WHRN: variants seen among roughly 807,000 people sequenced by gnomAD.
The protein encoded by WHRN is CASK-interacting protein CIP98.
A neutral mutation model predicts 68.3 loss-of-function variants in WHRN; 41 were observed. That is an observed-to-expected ratio of 0.60 (90% CI 0.47 to 0.78). WHRN has a LOEUF of 0.78. Ranked by LOEUF, WHRN falls within the 30% of genes least tolerant of loss-of-function variation. The pLI is 0.00. For missense variants in WHRN, 1,243 were observed against 1,244.7 expected (o/e 1.00, Z 0.02); for synonymous variants, 560 against 561.3 (o/e 1.00, Z 0.03).
At chr9:114,447,048 C>G (rs1589153727) in intron 3 of WHRN, among the ~76,000 whole-genome samples, 2 of 152,160 alleles carry the variant, frequency 1.3e-5, no homozygotes, top group East Asian at 3.9e-4. Context: ...GCATAATCTT[C>G]CACATTCAAT....
chr9:114,503,166 G>C (rs1286112420), intron 1 of WHRN: 2 of 985,446 alleles, frequency 2.0e-6, no homozygotes, highest in African/African-American at 3.5e-5. Context: ...CTGCTGCCTA[G>C]GAGTTTCCCA....
chr9:114,450,901 T>C (rs1839271007), intron 3 of WHRN, among the ~76,000 whole-genome samples: 1 of 152,008 alleles, frequency 6.6e-6, no homozygotes, highest in African/African-American at 2.4e-5. Flanking sequence ...ATTTTAAAAG[T>C]TGAGCTAGGC....
In WHRN at chr9:114,504,730, C is replaced by G; in HGVS notation, c.72G>C (p.Ala24=). Residue 24 remains alanine, a synonymous_variant, in exon 1 of 12, where the codon GCG becomes GCC. Transcript: ENST00000362057. ...STGSLGSAAG[A]GGGGGAGLRL... ...GCAGCCCCGCGCCCCCGCCGCCGCC[C>G]GCCCCGGCCGCCGAGCCCAGCGAGC... 1.3e-6 allele frequency: 2 copies of G among 1,507,246 alleles called. No homozygotes were observed. The highest frequency in any genetic ancestry group is 1.8e-6 in the Non-Finnish European group (2 of 1,137,600). The allele number at this position is 1,507,246 out of a possible 1,614,324, so 93.4% of individuals were successfully genotyped here. A position where few individuals can be genotyped will look rare whatever the true frequency, so the allele number is the denominator to read the frequency against.
At chr9:114,440,068 ATG>A in intron 3 of WHRN, among the ~76,000 whole-genome samples, 1 of 152,138 alleles carries the variant, frequency 6.6e-6, no homozygotes, top group African/African-American at 2.4e-5. Flanking sequence ...ATGCGCCAAC[ATG>A]CCTAGCTAAT....
intron 1 of WHRN, among the ~76,000 whole-genome samples, chr9:114,494,838 GTTA>G (rs1051787648): frequency 2.0e-5 from 3 of 151,146 alleles, no homozygotes; most frequent in East Asian, 2.0e-4. Flanking sequence ...TCTATCAAAG[GTTA>G]TTATCATACA....
intron 2 of WHRN, among the ~76,000 whole-genome samples, chr9:114,474,629 C>A (rs1841502015): frequency 6.6e-6 from 1 of 152,184 alleles, no homozygotes; most frequent in Non-Finnish European, 1.5e-5. Context: ...AATGCTGCCT[C>A]CTCCAGGAAG....
chr9:114,492,015 GAAAAA>G (rs60968756), intron 1 of WHRN, among the ~76,000 whole-genome samples: 2 of 144,524 alleles, frequency 1.4e-5, no homozygotes, highest in South Asian at 4.3e-4. Context: ...TTTGTAATTT[GAAAAA>G]AAAAAAAAAG....
intron 7 of WHRN, among the ~76,000 whole-genome samples, chr9:114,409,039 C>T (rs940131634): frequency 4.6e-5 from 7 of 152,234 alleles, no homozygotes; most frequent in Non-Finnish European, 7.3e-5. Context: ...CCTGGGCCTC[C>T]GACTTGCAGA....
chr9:114,467,043 C>T (rs1840768647), intron 2 of WHRN, among the ~76,000 whole-genome samples: 1 of 150,912 alleles, frequency 6.6e-6, no homozygotes. Context: ...TCCTGTCACC[C>T]CAGGGATCTC....
chr9:114,491,564 G>T, intron 1 of WHRN: 2 of 185,864 alleles, frequency 1.1e-5, no homozygotes, highest in South Asian at 2.6e-4. Context: ...CCATCACCAT[G>T]ACCTGTGGTA....
chr9:114,412,104 G>C (rs773287355), intron 7 of WHRN, among the ~76,000 whole-genome samples: 2 of 152,200 alleles, frequency 1.3e-5, no homozygotes, highest in African/African-American at 2.4e-5. Flanking sequence ...GCCTGAAGTG[G>C]AGCAAATGGC....
rs142855585 is a variant in WHRN at position 114,423,320 on chromosome 9, C to A, written c.1620G>T (p.Ser540=). The A allele has an allele frequency of 2.4e-5, 39 of 1,613,880 alleles. No homozygotes were observed. The African/African-American group carries it at 5.2e-4, about 22-fold the overall frequency. Residue 540 remains serine (S), a synonymous_variant, in exon 7 of 12, where the codon TCG becomes TCT. Coordinates refer to ENST00000362057, the MANE Select transcript of WHRN (RefSeq NM_015404.4). ...CAAGGCAGAAGAAGCTCACCCTGGC[C>A]GAGCTGACGGTGGTGGAGGTGCCGT... ...GSHGTSTTVS[S]ARNTLDLEET...
chr9:114,406,436 G>A lies in WHRN; in HGVS notation c.2155C>T (p.Gln719Ter). Residue 719 changes from glutamine to a stop codon, truncating the protein, a stop_gained, in exon 9 of 12, where the codon CAG (glutamine) becomes TAG (stop). Transcript: ENST00000362057. LOFTEE classifies it high-confidence loss of function. ...TGGACCTCCACCATGACAAAGTGCT[G>A]GTTTGTGCCTGTCTGGTCTGGGTGG... is the stretch of plus-strand genomic sequence containing the variant. ...SGHPDQTGTN[Q>*]HFVMVEVHRP... The A allele has an allele frequency of 6.2e-7, 1 of 1,614,172 alleles. No individual in the cohort carries two copies. Among genetic ancestry groups the A allele is most frequent in the Non-Finnish European group, 8.5e-7 (1 of 1,180,040 alleles).
chr9:114,447,662 G>A (rs972832531), intron 3 of WHRN, among the ~76,000 whole-genome samples: 1 of 152,156 alleles, frequency 6.6e-6, no homozygotes, highest in Non-Finnish European at 1.5e-5. Flanking sequence ...AACTCATGCA[G>A]TATTAAGAGA....
intron 1 of WHRN, among the ~76,000 whole-genome samples, chr9:114,495,907 C>T (rs1843417160): frequency 6.6e-6 from 1 of 152,176 alleles, no homozygotes; most frequent in African/African-American, 2.4e-5. Context: ...AAGGAAAATC[C>T]CTCCCCTGAC....
intron 1 of WHRN, among the ~76,000 whole-genome samples, chr9:114,481,079 C>T (rs1842060933): frequency 6.6e-6 from 1 of 152,206 alleles, no homozygotes; most frequent in South Asian, 2.1e-4. Flanking sequence ...GTCCCCCAAG[C>T]TTGCCCCAAT....
chr9:114,410,810 A>G (rs1835383028), intron 7 of WHRN, among the ~76,000 whole-genome samples: 2 of 150,934 alleles, frequency 1.3e-5, no homozygotes, highest in African/African-American at 4.8e-5. Flanking sequence ...CTGTGATGCA[A>G]GCGCGGTATG....
chr9:114,488,574 G>T (rs1341834433), intron 1 of WHRN, among the ~76,000 whole-genome samples: 1 of 152,016 alleles, frequency 6.6e-6, no homozygotes, highest in African/African-American at 2.4e-5. Flanking sequence ...AAAGGACATG[G>T]GCCTCACAGG....
intron 3 of WHRN, among the ~76,000 whole-genome samples, chr9:114,427,293 CAG>C (rs1349929198): frequency 1.3e-5 from 2 of 152,202 alleles, no homozygotes; most frequent in Non-Finnish European, 2.9e-5. Flanking sequence ...AATGTAAAAA[CAG>C]AGGCAAAAAA....
Sources: gnomAD v4.1 joint callset for allele counts (sites outside exome capture counted in the v4.1 genomes callset) on GRCh38, gnomAD v4.1.1 for gene constraint, MANE v1.5 for transcripts, NCBI Gene and HGNC (gene_info 2026-07-23, HGNC 2026-07-21) for gene names.